BEND7: variants seen among roughly 807,000 people sequenced by gnomAD.
BEND7 encodes the protein BEN domain containing 7.
A neutral mutation model predicts 50.9 loss-of-function variants in BEND7; 28 were observed. That is an observed-to-expected ratio of 0.55 (90% confidence interval 0.41 to 0.75). The LOEUF (loss-of-function observed/expected upper bound fraction) is 0.75. Among genes scored for constraint, BEND7 ranks in the 30% least tolerant of loss-of-function variants. The probability of loss-of-function intolerance (pLI) is 0.00; values close to 1 mark genes in which losing one functional copy is unlikely to be tolerated. For missense variants in BEND7, 477 were observed against 491.3 expected, an observed-to-expected ratio of 0.97 and a Z score of 0.28; for synonymous variants, 170 against 183.9, an observed-to-expected ratio of 0.92 and a Z score of 0.61.
chr10:13,527,782 A>G (rs1315478026), intron 1 of BEND7: 2 of 953,118 alleles, frequency 2.1e-6, no homozygotes, highest in Non-Finnish European at 2.5e-6. Flanking sequence ...CTGAACACAG[A>G]CAAGACTGTA....
intron 2 of BEND7, among the ~76,000 whole-genome samples, chr10:13,516,712 G>A (rs994678022): frequency 2.6e-5 from 4 of 152,014 alleles, no homozygotes; most frequent in Admixed American, 6.6e-5. Context: ...GTGACACAGC[G>A]AGACTCTAAC....
chr10:13,452,440 G>A (rs1352526406), intron 7 of BEND7, 99 bp downstream of exon 7: 1 of 1,288,714 alleles, frequency 7.8e-7, no homozygotes, highest in Non-Finnish European at 1.1e-6. Context: ...TCCTTCAAAA[G>A]ACAAGATGCT....
intron 5 of BEND7, among the ~76,000 whole-genome samples, chr10:13,488,762 C>T (rs1316793497): frequency 6.6e-6 from 1 of 152,216 alleles, no homozygotes; most frequent in Non-Finnish European, 1.5e-5. Flanking sequence ...GCTGGGATTA[C>T]AGGCGTGAGC....
chr10:13,465,851 C>T (rs928382836), intron 6 of BEND7, among the ~76,000 whole-genome samples: 1 of 150,184 alleles, frequency 6.7e-6, no homozygotes, highest in Non-Finnish European at 1.5e-5. Context: ...GTGATTCTCA[C>T]CGATTTGAGG....
chr10:13,449,515 G>A (rs1028554894), intron 7 of BEND7, among the ~76,000 whole-genome samples: 7 of 152,194 alleles, frequency 4.6e-5, no homozygotes, highest in Admixed American at 1.3e-4. Flanking sequence ...CATGAGTCGC[G>A]TTAATGTCTG....
intron 5 of BEND7, among the ~76,000 whole-genome samples, chr10:13,491,349 G>C (rs2076646521): frequency 6.6e-6 from 1 of 150,378 alleles, no homozygotes; most frequent in Admixed American, 6.6e-5. Context: ...GAAAATTTAA[G>C]GACTGAATGT....
intron 2 of BEND7, among the ~76,000 whole-genome samples, chr10:13,524,719 T>TTC (rs1250798493): frequency 6.6e-6 from 1 of 151,712 alleles, no homozygotes; most frequent in Non-Finnish European, 1.5e-5. Flanking sequence ...TCCAAGAATA[T>TTC]TCTCTTTCTG....
intron 2 of BEND7, among the ~76,000 whole-genome samples, chr10:13,501,164 C>T (rs940712470): frequency 2.6e-5 from 4 of 151,956 alleles, no homozygotes; most frequent in Admixed American, 1.3e-4. Context: ...CACCTGAGGT[C>T]GGGAGTTCGA....
At chr10:13,460,317 T>G (rs1400006922) in intron 6 of BEND7, among the ~76,000 whole-genome samples, 1 of 152,074 alleles carries the variant, frequency 6.6e-6, no homozygotes, top group East Asian at 1.9e-4. Context: ...CCTGCCCAAT[T>G]CCACCTGCAC....
downstream of BEND7, chr10:13,438,943 T>C (rs1835036335): frequency 4.0e-6 from 2 of 505,032 alleles, no homozygotes; most frequent in Non-Finnish European, 7.1e-6. Context: ...TTCTGGTAAC[T>C]GGCAGCACTG....
chr10:13,523,782 A>G (rs965629026), intron 2 of BEND7, among the ~76,000 whole-genome samples: 2 of 152,178 alleles, frequency 1.3e-5, no homozygotes, highest in African/African-American at 2.4e-5. Flanking sequence ...ACTATTCTCA[A>G]TTGCTCCAGA....
At chr10:13,514,429 C>T (rs12359541) in intron 2 of BEND7, among the ~76,000 whole-genome samples, 29,804 of 152,064 alleles carry the variant, frequency 0.2, 2,996 homozygotes, top group Middle Eastern at 0.24. Context: ...TGCCTAAATT[C>T]GGCCACATCT....
chr10:13,518,728 T>C (rs1262700267), intron 2 of BEND7, among the ~76,000 whole-genome samples: 3 of 152,242 alleles, frequency 2.0e-5, no homozygotes, highest in African/African-American at 7.2e-5. Flanking sequence ...CTCTAGTATG[T>C]TACAGAAGCT....
intron 6 of BEND7, among the ~76,000 whole-genome samples, chr10:13,456,800 A>C (rs560422074): frequency 1.3e-5 from 2 of 152,326 alleles, no homozygotes; most frequent in South Asian, 2.1e-4. Context: ...TTTTGTTTCT[A>C]ATGGAAGGAA....
At chr10:13,491,645 A>G (rs982022634) in intron 5 of BEND7, among the ~76,000 whole-genome samples, 5 of 151,906 alleles carry the variant, frequency 3.3e-5, no homozygotes, top group Non-Finnish European at 7.4e-5. Context: ...AAGTCACAAG[A>G]TGATGATTTT....
chr10:13,451,850 A>T (rs1837820192), intron 7 of BEND7, among the ~76,000 whole-genome samples: 1 of 146,866 alleles, frequency 6.8e-6, no homozygotes, highest in Non-Finnish European at 1.5e-5. Flanking sequence ...ATGAGTGAGA[A>T]CATGTGGTGT....
intron 6 of BEND7, among the ~76,000 whole-genome samples, chr10:13,475,735 AAAACTG>A (rs2075380182): frequency 6.6e-6 from 1 of 152,240 alleles, no homozygotes; most frequent in South Asian, 2.1e-4. Flanking sequence ...ATAGAAATTA[AAAACTG>A]AAACATCTTT....
intron 2 of BEND7, among the ~76,000 whole-genome samples, chr10:13,512,857 T>C (rs1181219924): frequency 6.6e-6 from 1 of 152,192 alleles, no homozygotes; most frequent in East Asian, 1.9e-4. Flanking sequence ...GGGATTTGGA[T>C]AACTTGGGCC....
At chr10:13,517,657 T>G (rs2078787040) in intron 2 of BEND7, among the ~76,000 whole-genome samples, 1 of 151,950 alleles carries the variant, frequency 6.6e-6, no homozygotes, top group African/African-American at 2.4e-5. Flanking sequence ...GGAGGCTGAG[T>G]ACCTTGAGCC....
Sources: gnomAD v4.1 joint callset for allele counts (sites outside exome capture counted in the v4.1 genomes callset) on GRCh38, gnomAD v4.1.1 for gene constraint, MANE v1.5 for transcripts, NCBI Gene and HGNC (gene_info 2026-07-23, HGNC 2026-07-21) for gene names.